STARD10: variants seen among roughly 807,000 people sequenced by gnomAD.
The protein encoded by STARD10 is StAR related lipid transfer domain containing 10.
In STARD10, 24 loss-of-function variants were observed where a neutral mutation model predicts 36.0. That is an observed-to-expected ratio of 0.67 (90% CI 0.48 to 0.94). The LOEUF is 0.94. Ranked by LOEUF, STARD10 falls within the 40% of genes least tolerant of loss-of-function variation. The probability of loss-of-function intolerance (pLI) is 0.00; values close to 1 mark genes in which losing one functional copy is unlikely to be tolerated. For synonymous variants in STARD10, 156 were observed against 161.9 expected (o/e 0.96, Z 0.28); for missense variants, 335 against 396.6 (o/e 0.84, Z 1.32).
At chr11:72,761,802 T>G (rs1858719405) in intron 2 of STARD10, among the ~76,000 whole-genome samples, 1 of 151,320 alleles carries the variant, frequency 6.6e-6, no homozygotes, top group South Asian at 2.1e-4. Flanking sequence ...AATATACGCA[T>G]AGAGGAAGCT....
chr11:72,765,379 A>T (rs1858774057), intron 2 of STARD10, among the ~76,000 whole-genome samples: 1 of 152,208 alleles, frequency 6.6e-6, no homozygotes, highest in South Asian at 2.1e-4. Flanking sequence ...CAAGTTCTCA[A>T]GGTGAAAAAC....
chr11:72,774,426 T>G (rs1026350736), intron 2 of STARD10, among the ~76,000 whole-genome samples: 1 of 152,134 alleles, frequency 6.6e-6, no homozygotes, highest in Admixed American at 6.5e-5. Flanking sequence ...TGCCCCAGGC[T>G]CTCTTTAAAG....
intron 1 of STARD10, among the ~76,000 whole-genome samples, chr11:72,786,380 T>C (rs10898872): frequency 0.18 from 26,874 of 150,604 alleles, 2,872 homozygotes; most frequent in East Asian, 0.38. Context: ...AAAAAAAAGG[T>C]TCAGCACCAA....
chr11:72,761,182 C>G (rs1421913694), intron 2 of STARD10, among the ~76,000 whole-genome samples: 1 of 152,138 alleles, frequency 6.6e-6, no homozygotes, highest in Non-Finnish European at 1.5e-5. Flanking sequence ...TAAGTGACAC[C>G]ACATGAGAAT....
At chr11:72,790,625 C>T (rs1049225005) in intron 1 of STARD10, among the ~76,000 whole-genome samples, 31 of 152,240 alleles carry the variant, frequency 2.0e-4, no homozygotes, top group Non-Finnish European at 1.9e-4. Context: ...GGAGGAAGCT[C>T]ATGCACAACC....
intron 2 of STARD10, among the ~76,000 whole-genome samples, chr11:72,778,420 A>G (rs1458625302): frequency 6.6e-6 from 1 of 152,220 alleles, no homozygotes; most frequent in Non-Finnish European, 1.5e-5. Context: ...AAATGGGATT[A>G]TCTGCATGGA....
At chr11:72,770,228 A>G (rs543505715) in intron 2 of STARD10, among the ~76,000 whole-genome samples, 2 of 151,666 alleles carry the variant, frequency 1.3e-5, no homozygotes, top group Non-Finnish European at 2.9e-5. Flanking sequence ...TAAAAGAATT[A>G]TTTTTTTTGA....
At chr11:72,792,041 ATTTTTTTTTTTTTTT>A (rs869068929) in intron 1 of STARD10, among the ~76,000 whole-genome samples, 1 of 38,770 alleles carries the variant, frequency 2.6e-5, no homozygotes, top group African/African-American at 1.4e-4. Flanking sequence ...CACCTGGCTA[ATTTTTTTTTTTTTTT>A]TTTTTTTTTT....
At chr11:72,790,964 G>A (rs547797925) in intron 1 of STARD10, among the ~76,000 whole-genome samples, 1 of 152,290 alleles carries the variant, frequency 6.6e-6, no homozygotes, top group South Asian at 2.1e-4. Flanking sequence ...CCCCATCTGC[G>A]GCCTGCCTCG....
At chr11:72,785,711 C>A (rs1026162613) in intron 1 of STARD10, 1 of 152,726 alleles carries the variant, frequency 6.5e-6, no homozygotes, top group Admixed American at 6.5e-5. Flanking sequence ...CCTCTCTCAG[C>A]CTCAAGAGTC....
At chr11:72,779,203 C>G (rs1858961317) in intron 2 of STARD10, among the ~76,000 whole-genome samples, 1 of 152,226 alleles carries the variant, frequency 6.6e-6, no homozygotes, top group African/African-American at 2.4e-5. Flanking sequence ...CCGCCTGAAG[C>G]CTTTCCCAGG....
In STARD10 at chr11:72,760,716, C is replaced by T. The variant is rs565752713; in HGVS notation, c.208-1335G>A. ...TCACTCAGCTGGTAAGTAGCAGAGC[C>T]AGGATTTAACCCAGATCACATGTCT... On this transcript the variant is annotated intron_variant, in intron 2 of 6. Coordinates refer to ENST00000334805, the MANE Select transcript of STARD10 (RefSeq NM_006645.3). Among the ~76,000 whole-genome samples the T allele has an allele frequency of 1.4e-3, 216 of 152,282 alleles. 1 individual carries two copies. Among genetic ancestry groups the T allele is most frequent in the African/African-American group, 4.8e-3 (200 of 41,548 alleles).
intron 2 of STARD10, among the ~76,000 whole-genome samples, chr11:72,767,584 T>C (rs1033722897): frequency 7.9e-5 from 12 of 152,148 alleles, no homozygotes; most frequent in African/African-American, 2.7e-4. Context: ...CCTTAGTTGA[T>C]GGTTATAATG....
At chr11:72,785,550 G>T (rs1859060391) in intron 1 of STARD10, among the ~76,000 whole-genome samples, 1 of 127,252 alleles carries the variant, frequency 7.9e-6, no homozygotes, top group Non-Finnish European at 1.6e-5. Context: ...GACAGGGCGA[G>T]GCTCTGTCTC....
chr11:72,780,354 T>G (rs964220463), intron 2 of STARD10: 3 of 416,038 alleles, frequency 7.2e-6, no homozygotes, highest in African/African-American at 6.2e-5. Flanking sequence ...GCCCCTTCCT[T>G]CCCCAGCCCA....
At position 72,754,847 on chromosome 11, in the gene STARD10, C is replaced by T. The variant is rs779251176; in HGVS notation, c.*50G>A. Reference sequence around the variant, plus strand: ...GGGGAGAAAGTGCAGGAGCGGCCGCCGCCCCAGGGCTCGCCCGGTCCTGTC... The same window carrying T: ...GGGGAGAAAGTGCAGGAGCGGCCGCTGCCCCAGGGCTCGCCCGGTCCTGTC... On this transcript the variant is annotated 3_prime_UTR_variant, in exon 7 of 7. Coordinates refer to ENST00000334805, the MANE Select transcript of STARD10 (RefSeq NM_006645.3). 3.8e-6 allele frequency: 6 copies of T among 1,564,856 alleles called. No individual in the cohort carries two copies. The highest frequency in any genetic ancestry group is 2.3e-5 in the South Asian group (2 of 86,954).
intron 2 of STARD10, among the ~76,000 whole-genome samples, chr11:72,772,151 G>C (rs1302236211): frequency 6.6e-6 from 1 of 152,038 alleles, no homozygotes; most frequent in East Asian, 1.9e-4. Context: ...TGCCATAGTG[G>C]GCATGGTTCT....
At chr11:72,757,635 G>A in intron 5 of STARD10, 132 bp downstream of exon 5, 1 of 771,916 alleles carries the variant, frequency 1.3e-6, no homozygotes, top group South Asian at 1.7e-5. Context: ...TTCAAGGAAG[G>A]CTTTGGATGG....
rs754579234 is a variant in STARD10 at position 72,759,382 on chromosome 11, C to T, written c.208-1G>A. ...GCACATCACAGCACTCCATCCGGCA[C>T]TGCAGACAAGATATATGGGTTGTCA... On this transcript the variant is annotated splice_acceptor_variant, in intron 2 of 6. Coordinates refer to ENST00000334805, the MANE Select transcript of STARD10 (RefSeq NM_006645.3). LOFTEE classifies it high-confidence loss of function. 2.5e-6 allele frequency: 4 copies of T among 1,613,702 alleles called. No individual in the cohort carries two copies. Among genetic ancestry groups the T allele is most frequent in the Non-Finnish European group, 3.4e-6 (4 of 1,179,940 alleles).
Sources: gnomAD v4.1 joint callset for allele counts (sites outside exome capture counted in the v4.1 genomes callset) on GRCh38, gnomAD v4.1.1 for gene constraint, MANE v1.5 for transcripts, NCBI Gene and HGNC (gene_info 2026-07-23, HGNC 2026-07-21) for gene names.